DLGAP1: variants seen among roughly 807,000 people sequenced by gnomAD.
DLGAP1 encodes disks large-associated protein 1.
A neutral mutation model predicts 90.8 loss-of-function variants in DLGAP1; 11 were observed. The ratio of observed to expected loss-of-function variants is 0.12; its 90% CI spans 0.08 to 0.20. The LOEUF (loss-of-function observed/expected upper bound fraction) is 0.20, where lower values mean the gene tolerates loss of function less well. Among genes scored for constraint, DLGAP1 ranks in the 10% least tolerant of loss-of-function variants. DLGAP1 has a pLI of 1.00. For missense variants in DLGAP1, 1,050 were observed against 1,333.8 expected, an observed-to-expected ratio of 0.79 and a Z score of 3.31; for synonymous variants, 558 against 540.7, an observed-to-expected ratio of 1.03 and a Z score of -0.44.
chr18:4,032,173 A>C (rs1176576101), intron 2 of DLGAP1, among the ~76,000 whole-genome samples: 2 of 152,258 alleles, frequency 1.3e-5, no homozygotes, highest in Non-Finnish European at 2.9e-5. Flanking sequence ...TTTCATACTG[A>C]CATTTGAAAA....
At chr18:4,309,764 T>C (rs1465321622) in intron 1 of DLGAP1, among the ~76,000 whole-genome samples, 1 of 152,170 alleles carries the variant, frequency 6.6e-6, no homozygotes, top group Non-Finnish European at 1.5e-5. Flanking sequence ...CTAGGACAAC[T>C]TATTTAGCAT....
rs191210769 is a variant in DLGAP1, at chr18:3,725,480, A to G, written c.1591+3655T>C. On this transcript the variant is annotated intron_variant, in intron 7 of 12. Coordinates refer to ENST00000315677, the MANE Select transcript of DLGAP1 (RefSeq NM_004746.4). The stretch of plus-strand genomic sequence containing the variant: ...ACTGTTACCTGAAATATTTTAGATG[A>G]TTGAGGCAAGGGTTCTTGTTTTTTC... Among the ~76,000 whole-genome samples the G allele has an allele frequency of 3.6e-3, 547 of 152,276 alleles. 3 individuals are homozygous for G. The highest frequency in any genetic ancestry group is 0.013 in the African/African-American group (531 of 41,558).
chr18:4,122,237 G>C (rs1458159589), intron 2 of DLGAP1, among the ~76,000 whole-genome samples: 2 of 152,178 alleles, frequency 1.3e-5, no homozygotes, highest in African/African-American at 4.8e-5. Context: ...GTTATAGCAG[G>C]AGGGGTTATA....
At chr18:3,940,775 C>T (rs16945693) in intron 3 of DLGAP1, among the ~76,000 whole-genome samples, 108,143 of 152,124 alleles carry the variant, frequency 0.71, 38,568 homozygotes, top group African/African-American at 0.76. Context: ...TCATGTAGAC[C>T]TCTGAAAAAT....
intron 1 of DLGAP1, among the ~76,000 whole-genome samples, chr18:4,358,910 G>A (rs2081577568): frequency 6.6e-6 from 1 of 152,220 alleles, no homozygotes; most frequent in Admixed American, 6.5e-5. Context: ...AGCTCTGTTA[G>A]TAATAGACCT....
chr18:3,850,141 C>T (rs923460443), intron 4 of DLGAP1, among the ~76,000 whole-genome samples: 7 of 151,494 alleles, frequency 4.6e-5, no homozygotes, highest in Non-Finnish European at 1.0e-4. Context: ...CTGAGGTGGG[C>T]GGATCACTTC....
At chr18:3,757,281 G>A (rs977286082) in intron 5 of DLGAP1, among the ~76,000 whole-genome samples, 3 of 152,134 alleles carry the variant, frequency 2.0e-5, no homozygotes, top group African/African-American at 4.8e-5. Context: ...GGTGGCATGC[G>A]CCTGTAGTCC....
intron 10 of DLGAP1, among the ~76,000 whole-genome samples, chr18:3,527,530 G>A (rs2051720809): frequency 6.9e-6 from 1 of 144,172 alleles, no homozygotes; most frequent in South Asian, 2.2e-4. Flanking sequence ...CTTATCTTTA[G>A]CTGCTGCTGC....
chr18:3,550,487 A>G (rs1390592248), intron 9 of DLGAP1, among the ~76,000 whole-genome samples: 1 of 152,128 alleles, frequency 6.6e-6, no homozygotes, highest in Non-Finnish European at 1.5e-5. Context: ...CAGCCTCCCT[A>G]AGAGTTGGGA....
chr18:3,557,567 T>G (rs940251280), intron 9 of DLGAP1, among the ~76,000 whole-genome samples: 1 of 152,114 alleles, frequency 6.6e-6, no homozygotes, highest in African/African-American at 2.4e-5. Flanking sequence ...AATATTTAGT[T>G]TCTTGAGATT....
At chr18:4,313,123 A>T (rs1191399542) in intron 1 of DLGAP1, among the ~76,000 whole-genome samples, 1 of 152,234 alleles carries the variant, frequency 6.6e-6, no homozygotes, top group African/African-American at 2.4e-5. Flanking sequence ...TACTGCTTGC[A>T]ATGTTTATGG....
intron 3 of DLGAP1, among the ~76,000 whole-genome samples, chr18:3,970,391 C>T (rs1407917623): frequency 1.3e-5 from 2 of 152,228 alleles, no homozygotes; most frequent in Non-Finnish European, 2.9e-5. Flanking sequence ...CCATTAGGAT[C>T]AATTTTGTAG....
At chr18:4,178,215 A>G (rs1044501005) in intron 1 of DLGAP1, among the ~76,000 whole-genome samples, 1 of 146,056 alleles carries the variant, frequency 6.8e-6, no homozygotes, top group Non-Finnish European at 1.5e-5. Flanking sequence ...ACACACACAC[A>G]CACACACACA....
intron 1 of DLGAP1, among the ~76,000 whole-genome samples, chr18:4,353,329 AC>A (rs965445009): frequency 3.9e-5 from 6 of 152,038 alleles, no homozygotes; most frequent in African/African-American, 1.4e-4. Context: ...ATGATCACCC[AC>A]CCCAAGCTGA....
chr18:4,179,236 C>G (rs1218808672), intron 1 of DLGAP1, among the ~76,000 whole-genome samples: 1 of 152,072 alleles, frequency 6.6e-6, no homozygotes, highest in Non-Finnish European at 1.5e-5. Flanking sequence ...CAAAATGTCA[C>G]CACGTGATAA....
chr18:4,166,099 C>A, intron 1 of DLGAP1, among the ~76,000 whole-genome samples: 1 of 152,118 alleles, frequency 6.6e-6, no homozygotes, highest in East Asian at 1.9e-4. Flanking sequence ...TTTGAGGTTG[C>A]AGTGAGCTAT....
At chr18:4,320,410 A>G (rs2143585550) in intron 1 of DLGAP1, among the ~76,000 whole-genome samples, 1 of 152,302 alleles carries the variant, frequency 6.6e-6, no homozygotes, top group Admixed American at 6.5e-5. Context: ...TCTATAAATG[A>G]TATATTCTGT....
intron 2 of DLGAP1, among the ~76,000 whole-genome samples, chr18:4,068,998 T>G (rs764129007): frequency 1.3e-5 from 2 of 152,148 alleles, no homozygotes; most frequent in Non-Finnish European, 2.9e-5. Context: ...TTTTGCTACA[T>G]GGCCTTCATT....
At chr18:3,925,385 T>C (rs1304929254) in intron 3 of DLGAP1, among the ~76,000 whole-genome samples, 2 of 151,828 alleles carry the variant, frequency 1.3e-5, no homozygotes, top group African/African-American at 4.8e-5. Flanking sequence ...CTGATAGTAG[T>C]CTACCCATGC....
Sources: gnomAD v4.1 joint callset for allele counts (sites outside exome capture counted in the v4.1 genomes callset) on GRCh38, gnomAD v4.1.1 for gene constraint, MANE v1.5 for transcripts, NCBI Gene and HGNC (gene_info 2026-07-23, HGNC 2026-07-21) for gene names.